Variants in ARHGAP32 observed in about 807,000 individuals in gnomAD.
ARHGAP32 encodes Rho GTPase activating protein 32.
ARHGAP32 carries 51 observed loss-of-function variants against 186.5 expected under a neutral mutation model. The ratio of observed to expected loss-of-function variants is 0.27; its 90% CI spans 0.22 to 0.35. The LOEUF (loss-of-function observed/expected upper bound fraction) is 0.35. ARHGAP32 is among the 10% of genes least tolerant of loss of function. The probability of loss-of-function intolerance (pLI) is 1.00; values close to 1 mark genes in which losing one functional copy is unlikely to be tolerated. For synonymous variants in ARHGAP32, 950 were observed against 964.3 expected, an observed-to-expected ratio of 0.99 and a Z score of 0.27; for missense variants, 2,186 against 2,623.5, an observed-to-expected ratio of 0.83 and a Z score of 3.64.
At chr11:129,188,750 T>C (rs1189032831) in intron 1 of ARHGAP32, among the ~76,000 whole-genome samples, 1 of 152,230 alleles carries the variant, frequency 6.6e-6, no homozygotes, top group East Asian at 1.9e-4. Flanking sequence ...AAGTCAGAAC[T>C]TTCTCGTCAC....
chr11:129,199,817 G>A (rs1307466070), intron 1 of ARHGAP32, among the ~76,000 whole-genome samples: 1 of 152,194 alleles, frequency 6.6e-6, no homozygotes, highest in Non-Finnish European at 1.5e-5. Flanking sequence ...CCAACTGCTT[G>A]CACTGTGAGC....
At chr11:129,173,951 A>G (rs894500369) in intron 1 of ARHGAP32, among the ~76,000 whole-genome samples, 1 of 152,222 alleles carries the variant, frequency 6.6e-6, no homozygotes, top group Non-Finnish European at 1.5e-5. Context: ...AGATGGCCAA[A>G]TAGGAACAGC....
intron 9 of ARHGAP32, 70 bp from the exon 10 acceptor site, chr11:129,062,427 T>A: frequency 7.6e-7 from 1 of 1,314,586 alleles, no homozygotes; most frequent in Non-Finnish European, 1.1e-6. Context: ...ACCTAGAATT[T>A]AAATCCGAAC....
intron 11 of ARHGAP32, among the ~76,000 whole-genome samples, chr11:129,020,962 A>G (rs1395122846): frequency 1.3e-5 from 2 of 152,028 alleles, no homozygotes; most frequent in Admixed American, 1.3e-4. Context: ...CAGAAAAGCT[A>G]TCTGGGACCG....
At chr11:129,207,988 C>A (rs1030251915) in intron 1 of ARHGAP32, among the ~76,000 whole-genome samples, 5 of 152,126 alleles carry the variant, frequency 3.3e-5, no homozygotes, top group African/African-American at 1.2e-4. Context: ...CCCACACAAT[C>A]CACTAAGAAG....
intron 6 of ARHGAP32, among the ~76,000 whole-genome samples, chr11:129,086,547 CAT>C (rs775316150): frequency 0.54 from 81,654 of 151,802 alleles, 23,305 homozygotes; most frequent in African/African-American, 0.73. Flanking sequence ...GATGGCCGGG[CAT>C]GGTGGCTCAC....
chr11:129,096,352 T>A (rs187671463), intron 5 of ARHGAP32, among the ~76,000 whole-genome samples: 10 of 152,216 alleles, frequency 6.6e-5, no homozygotes, highest in African/African-American at 2.4e-4. Flanking sequence ...CAGGAATCGA[T>A]CTTTCCACCT....
intron 11 of ARHGAP32, among the ~76,000 whole-genome samples, chr11:129,003,092 G>A (rs186514681): frequency 7.9e-5 from 12 of 152,214 alleles, no homozygotes; most frequent in African/African-American, 1.4e-4. Context: ...CACCGTGCCC[G>A]GCCAAGGGAT....
chr11:129,072,480 A>T (rs1039427713), intron 6 of ARHGAP32, among the ~76,000 whole-genome samples: 2 of 152,210 alleles, frequency 1.3e-5, no homozygotes, highest in Non-Finnish European at 2.9e-5. Context: ...TAAAAAGCTG[A>T]ACAAAGTGAA....
intron 13 of ARHGAP32, among the ~76,000 whole-genome samples, chr11:128,987,091 C>T (rs956530969): frequency 2.6e-5 from 4 of 152,194 alleles, no homozygotes; most frequent in Non-Finnish European, 5.9e-5. Flanking sequence ...TTGTACAACA[C>T]AGAAATGCTT....
In ARHGAP32 at chr11:128,968,965, GC is replaced by G; in HGVS notation, c.6247del (p.Ala2083ProfsTer25). 2 of 1,575,164 alleles carry G rather than the reference GC, an allele frequency of 1.3e-6. No homozygotes were observed. Among genetic ancestry groups the G allele is most frequent in the Non-Finnish European group, 1.7e-6 (2 of 1,155,660 alleles). On this transcript the variant is annotated frameshift_variant, in exon 23 of 23. Transcript: ENST00000682385. LOFTEE classifies it high-confidence loss of function. ...RTYATALGQG[A>X]FLPAELSLQH... ...CAAGGACAACTCTGCGGGCAGGAAG[GC>G]CCCTTGACCCAACGCTGTAGCATAG... is the stretch of plus-strand genomic sequence containing the variant.
chr11:129,048,591 A>C (rs916326599), intron 10 of ARHGAP32, among the ~76,000 whole-genome samples: 1 of 151,276 alleles, frequency 6.6e-6, no homozygotes, highest in Non-Finnish European at 1.5e-5. Context: ...AAGGCTCTAG[A>C]ATCTACACTG....
At chr11:129,247,120 T>A (rs538851145) in intron 1 of ARHGAP32, among the ~76,000 whole-genome samples, 1 of 152,350 alleles carries the variant, frequency 6.6e-6, no homozygotes, top group South Asian at 2.1e-4. Context: ...TAGTAAATTG[T>A]TAATAATGTA....
chr11:129,153,640 G>A (rs1235918959), intron 2 of ARHGAP32, among the ~76,000 whole-genome samples: 1 of 152,024 alleles, frequency 6.6e-6, no homozygotes, highest in Non-Finnish European at 1.5e-5. Flanking sequence ...TTGGGTAAGG[G>A]ATACCTATTC....
chr11:129,029,620 G>A (rs1012743769), intron 11 of ARHGAP32, among the ~76,000 whole-genome samples: 4 of 152,074 alleles, frequency 2.6e-5, no homozygotes, highest in Admixed American at 2.0e-4. Flanking sequence ...TGGCTAACAC[G>A]GTGAAACCCC....
intron 12 of ARHGAP32, chr11:128,993,309 A>G (rs1386179496): frequency 6.6e-6 from 1 of 152,154 alleles, no homozygotes; most frequent in African/African-American, 2.4e-5. Context: ...GTATTGTTCA[A>G]ATTTTAGTAT....
At chr11:129,263,550 T>C in intron 1 of ARHGAP32, among the ~76,000 whole-genome samples, 1 of 2,498 alleles carries the variant, frequency 4.0e-4, no homozygotes, top group Admixed American at 3.5e-3. Context: ...AAATGGCTAC[T>C]GGCAAAAAAA....
chr11:128,968,769 T>G lies in ARHGAP32; in HGVS notation c.*138A>C. ...GCAGGGAAGGGGAAAAAGATGCTGA[T>G]TTGTTTACTTTTATTATCATTTTTT... On this transcript the variant is annotated 3_prime_UTR_variant, in exon 23 of 23. Transcript: ENST00000682385. 1 of 643,660 alleles carries G rather than the reference T, an allele frequency of 1.6e-6. No homozygotes were observed. Among genetic ancestry groups the G allele is most frequent in the African/African-American group, 1.9e-5 (1 of 53,400 alleles). 39.9% of individuals were successfully genotyped at this position (643,660 alleles called of 1,614,324 possible).
chr11:128,985,815 AGT>A (rs151158915), intron 15 of ARHGAP32, 186 bp downstream of exon 15: 4,134 of 186,226 alleles, frequency 0.022, 70 homozygotes, highest in African/African-American at 0.049. Flanking sequence ...ACATACATAT[AGT>A]GTGTGTGTGT....
Sources: allele counts gnomAD v4.1 joint callset (sites outside exome capture counted in the v4.1 genomes callset), GRCh38; gene constraint gnomAD v4.1.1; transcripts MANE v1.5; gene names NCBI Gene and HGNC (gene_info 2026-07-23, HGNC 2026-07-21).